Variants in PKHD1 observed in about 807,000 individuals in gnomAD.
PKHD1 encodes fibrocystin.
Under a neutral mutation model 412.0 loss-of-function variants are expected in PKHD1, and 291 were observed. The observed-to-expected ratio is 0.71, with a 90% CI of 0.64 to 0.78. The LOEUF (loss-of-function observed/expected upper bound fraction) is 0.78, where lower values mean the gene tolerates loss of function less well. Among genes scored for constraint, PKHD1 ranks in the 30% least tolerant of loss-of-function variants. The pLI, the probability that PKHD1 is intolerant of heterozygous loss-of-function variation, is 0.00. For synonymous variants in PKHD1, 1,777 were observed against 1,821.5 expected (o/e 0.98, Z 0.62); for missense variants, 4,825 against 4,950.7 (o/e 0.97, Z 0.76).
intron 60 of PKHD1, among the ~76,000 whole-genome samples, chr6:51,730,026 T>C (rs1783052773): frequency 6.6e-6 from 1 of 152,212 alleles, no homozygotes; most frequent in South Asian, 2.1e-4. Flanking sequence ...TGTATGTTTA[T>C]TGATATTTGT....
rs779428574 is a variant in PKHD1, at chr6:52,026,179, C to T, written c.3631G>A (p.Gly1211Arg). Residue 1211 changes from glycine (G) to arginine (R), a missense_variant and splice_region_variant, in exon 32 of 67, where the codon GGG becomes AGG. Coordinates refer to ENST00000371117, the MANE Select transcript of PKHD1 (RefSeq NM_138694.4). Reference sequence around the variant, plus strand: ...ATTCCTGAGATGCTGAGGATGGTCCCTCCTAAAGTATGAATACGGAAAGCA... The same window carrying T: ...ATTCCTGAGATGCTGAGGATGGTCCTTCCTAAAGTATGAATACGGAAAGCA... ...IEPCCGSLLG[G>R]TILSISGIGF... 5.0e-6 allele frequency: 8 copies of T among 1,613,676 alleles called. No homozygotes were observed. Among genetic ancestry groups the T allele is most frequent in the Non-Finnish European group, 5.9e-6 (7 of 1,179,860 alleles).
intron 35 of PKHD1, among the ~76,000 whole-genome samples, chr6:51,963,823 C>T (rs1247106836): frequency 1.3e-5 from 2 of 152,070 alleles, no homozygotes; most frequent in Non-Finnish European, 2.9e-5. Context: ...GGCCATGTTC[C>T]GTGTCAACAG....
chr6:52,009,077 G>A (rs145221207), intron 35 of PKHD1, among the ~76,000 whole-genome samples: 27 of 152,294 alleles, frequency 1.8e-4, no homozygotes, highest in Admixed American at 6.5e-4. Context: ...AGAAACAGGC[G>A]CAGAATAAAG....
Position 51,959,858 on chromosome 6 carries a change from A to C in PKHD1, c.5908+12T>G. The C allele has an allele frequency of 6.2e-7, 1 of 1,610,902 alleles. No individual in the cohort carries two copies. The highest frequency in any genetic ancestry group is 8.5e-7 in the Non-Finnish European group (1 of 1,177,330). ...TATAGAATAATATTACCAACCTACA[A>C]ACTTCACACACCTTTAATGTGCAGT... On this transcript the variant is annotated intron_variant, in intron 36 of 66. Coordinates refer to ENST00000371117, the MANE Select transcript of PKHD1 (RefSeq NM_138694.4).
intron 35 of PKHD1, among the ~76,000 whole-genome samples, chr6:51,994,196 A>T (rs1184314337): frequency 6.7e-6 from 1 of 149,458 alleles, no homozygotes; most frequent in South Asian, 2.1e-4. Context: ...GTGCAGTGGC[A>T]CTATCTCGGC....
At chr6:52,081,426 A>G (rs1160408476) in intron 4 of PKHD1, among the ~76,000 whole-genome samples, 1 of 152,236 alleles carries the variant, frequency 6.6e-6, no homozygotes, top group African/African-American at 2.4e-5. Flanking sequence ...AATTAAACAC[A>G]TCCCCTGCCC....
intron 35 of PKHD1, among the ~76,000 whole-genome samples, chr6:51,964,840 C>T (rs1393267996): frequency 2.6e-5 from 4 of 152,092 alleles, no homozygotes; most frequent in Admixed American, 2.0e-4. Context: ...TCCTCTTTCA[C>T]CCTGACATAA....
intron 50 of PKHD1, among the ~76,000 whole-genome samples, chr6:51,837,281 A>G (rs964256834): frequency 6.6e-6 from 1 of 152,140 alleles, no homozygotes; most frequent in Non-Finnish European, 1.5e-5. Flanking sequence ...CCACCACTGG[A>G]GCACCCCTTG....
At chr6:51,792,170 T>C (rs1261243094) in intron 52 of PKHD1, among the ~76,000 whole-genome samples, 1 of 152,220 alleles carries the variant, frequency 6.6e-6, no homozygotes, top group African/African-American at 2.4e-5. Context: ...GCCTGAGATT[T>C]ACTATAGAGT....
intron 56 of PKHD1, among the ~76,000 whole-genome samples, chr6:51,754,041 A>G (rs996113589): frequency 6.6e-6 from 1 of 152,232 alleles, no homozygotes; most frequent in African/African-American, 2.4e-5. Flanking sequence ...AGCTTTAGAT[A>G]TTCCTGGTGA....
At chr6:52,033,403 T>TATGCAAA (rs1803390793) in intron 28 of PKHD1, among the ~76,000 whole-genome samples, 1 of 152,090 alleles carries the variant, frequency 6.6e-6, no homozygotes, top group Non-Finnish European at 1.5e-5. Flanking sequence ...GCAAGTGCAG[T>TATGCAAA]GTTAGATGCA....
intron 6 of PKHD1, among the ~76,000 whole-genome samples, chr6:52,075,531 C>T (rs189215216): frequency 2.0e-5 from 3 of 152,308 alleles, no homozygotes; most frequent in East Asian, 1.9e-4. Context: ...GCAGATTTAG[C>T]AATTCCTGAA....
At chr6:52,070,950 G>A (rs566678932) in intron 9 of PKHD1, 56 bp downstream of exon 9, 70 of 1,062,002 alleles carry the variant, frequency 6.6e-5, no homozygotes, top group Middle Eastern at 4.0e-4. Flanking sequence ...GCTTTTGTCC[G>A]GATACAGAGA....
At chr6:52,079,198 CTGAACCAAATATAAA>C (rs1582138085) in intron 5 of PKHD1, among the ~76,000 whole-genome samples, 1 of 152,196 alleles carries the variant, frequency 6.6e-6, no homozygotes, top group Non-Finnish European at 1.5e-5. Context: ...GAACAACAGA[CTGAACCAAATATAAA>C]TGAACTCCCA....
At chr6:51,959,735 TA>T in intron 36 of PKHD1, 134 bp downstream of exon 36, 2 of 809,024 alleles carry the variant, frequency 2.5e-6, no homozygotes, top group African/African-American at 1.7e-5. Context: ...CTTTACATAG[TA>T]AAATTTCAGT....
intron 65 of PKHD1, among the ~76,000 whole-genome samples, chr6:51,627,611 G>A (rs2209951): frequency 0.043 from 6,505 of 151,928 alleles, 234 homozygotes; most frequent in African/African-American, 0.093. Flanking sequence ...CTTTAATTTT[G>A]AAATGAGTAT....
At chr6:51,833,556 G>A (rs1260049996) in intron 51 of PKHD1, among the ~76,000 whole-genome samples, 1 of 152,088 alleles carries the variant, frequency 6.6e-6, no homozygotes, top group Non-Finnish European at 1.5e-5. Flanking sequence ...AGATCTACTG[G>A]GAGAATCAGA....
rs1809658796 is a variant in PKHD1, at chr6:52,066,089, A to T, written c.779-12T>A. Reference sequence around the variant, plus strand: ...CACAGATAATATTTCTGCAAGAGTTAAAAAAAAAAAAAAGTAAGCTTCCAA... The same window carrying T: ...CACAGATAATATTTCTGCAAGAGTTTAAAAAAAAAAAAAGTAAGCTTCCAA... On this transcript the variant is annotated splice_polypyrimidine_tract_variant and intron_variant, in intron 11 of 66. Transcript: ENST00000371117. The T allele has an allele frequency of 1.3e-5, 6 of 463,940 alleles. No homozygotes were observed. Among genetic ancestry groups the T allele is most frequent in the East Asian group, 5.9e-5 (1 of 17,062 alleles). 28.7% of individuals were successfully genotyped at this position (463,940 alleles called of 1,614,324 possible). A position where few individuals can be genotyped will look rare whatever the true frequency, so the allele number is the denominator to read the frequency against.
chr6:51,639,712 C>T (rs1246411317), intron 63 of PKHD1, among the ~76,000 whole-genome samples: 2 of 152,172 alleles, frequency 1.3e-5, no homozygotes, highest in South Asian at 2.1e-4. Context: ...TTTGACTCCA[C>T]CATCCCTAAA....
Sources: gnomAD v4.1 joint callset for allele counts (sites outside exome capture counted in the v4.1 genomes callset) on GRCh38, gnomAD v4.1.1 for gene constraint, MANE v1.5 for transcripts, NCBI Gene and HGNC (gene_info 2026-07-23, HGNC 2026-07-21) for gene names.